TFCP2: variants seen among roughly 807,000 people sequenced by gnomAD.
TFCP2 encodes alpha-globin transcription factor CP2.
In TFCP2, 33 loss-of-function variants were observed where a neutral mutation model predicts 73.4. The observed-to-expected ratio is 0.45, with a 90% confidence interval of 0.34 to 0.60. TFCP2 has a LOEUF of 0.60. Ranked by LOEUF, TFCP2 falls within the 20% of genes least tolerant of loss-of-function variation. TFCP2 has a pLI of 0.01. For synonymous variants in TFCP2, 193 were observed against 211.6 expected, an observed-to-expected ratio of 0.91 and a Z score of 0.76; for missense variants, 352 against 604.0, an observed-to-expected ratio of 0.58 and a Z score of 4.37.
chr12:51,122,608 C>T lies in TFCP2; in HGVS notation c.123-3836G>A, dbSNP rs190196208. ...AAAAATATTTCAAAGGCCAGAAACACAAAAGGCACTTTCTTTTGCTTAGGC... is the reference window on the plus strand; with the variant it reads ...AAAAATATTTCAAAGGCCAGAAACATAAAAGGCACTTTCTTTTGCTTAGGC... On this transcript the variant is annotated intron_variant, in intron 1 of 14. Coordinates refer to ENST00000257915, the MANE Select transcript of TFCP2 (RefSeq NM_005653.5). Among the ~76,000 whole-genome samples the T allele has an allele frequency of 6.5e-3, 987 of 152,216 alleles. 5 individuals are homozygous for T. The highest frequency in any genetic ancestry group is 9.5e-3 in the Non-Finnish European group (647 of 67,998).
chr12:51,096,387 C>A (rs1260238583), intron 13 of TFCP2, among the ~76,000 whole-genome samples: 1 of 152,174 alleles, frequency 6.6e-6, no homozygotes, highest in African/African-American at 2.4e-5. Flanking sequence ...TTTCCTAAAA[C>A]CTCTTTAATT....
intron 2 of TFCP2, 100 bp from the exon 3 acceptor site, chr12:51,117,847 A>G (rs1023685999): frequency 2.8e-6 from 2 of 709,212 alleles, no homozygotes; most frequent in African/African-American, 1.8e-5. Flanking sequence ...ACAGTATAAT[A>G]ATATTATTAG....
chr12:51,106,997 T>C, intron 7 of TFCP2: 1 of 576,150 alleles, frequency 1.7e-6, no homozygotes, highest in Non-Finnish European at 3.1e-6. Flanking sequence ...CAATAGCTCC[T>C]GCAGCAAACC....
At chr12:51,095,923 T>A (rs1939955263) in intron 14 of TFCP2, 66 bp downstream of exon 14, 1 of 1,280,402 alleles carries the variant, frequency 7.8e-7, no homozygotes, top group Middle Eastern at 2.0e-4. Flanking sequence ...CAAAGAAGTA[T>A]GTACTTTGCC....
chr12:51,122,578 C>T (rs1041514809), intron 1 of TFCP2, among the ~76,000 whole-genome samples: 1 of 152,078 alleles, frequency 6.6e-6, no homozygotes, highest in South Asian at 2.1e-4. Flanking sequence ...ATTTTCTAAT[C>T]GTTAAAAAAT....
chr12:51,153,221 A>T (rs1028000092), intron 1 of TFCP2, among the ~76,000 whole-genome samples: 3 of 152,178 alleles, frequency 2.0e-5, no homozygotes, highest in South Asian at 2.1e-4. Context: ...TAAAATTTTT[A>T]AAAAATTAGC....
At chr12:51,163,119 A>T (rs975270575) in intron 1 of TFCP2, 2 of 152,036 alleles carry the variant, frequency 1.3e-5, no homozygotes, top group African/African-American at 4.8e-5. Context: ...GAGCAACATG[A>T]TGAAACCCTG....
intron 4 of TFCP2, 115 bp from the exon 5 acceptor site, chr12:51,111,098 C>G: frequency 1.4e-6 from 1 of 693,946 alleles, no homozygotes; most frequent in South Asian, 1.7e-5. Flanking sequence ...TATATCACAT[C>G]CTAAATTTCT....
chr12:51,095,778 C>T (rs1045605773), intron 14 of TFCP2, among the ~76,000 whole-genome samples: 3 of 135,296 alleles, frequency 2.2e-5, no homozygotes, highest in African/African-American at 8.2e-5. Context: ...CATGCCACTG[C>T]ACTCCAGCCT....
chr12:51,154,076 G>A (rs1391223514), intron 1 of TFCP2, among the ~76,000 whole-genome samples: 1 of 152,092 alleles, frequency 6.6e-6, no homozygotes, highest in African/African-American at 2.4e-5. Context: ...CCTAAAGGCT[G>A]AATAATATTC....
chr12:51,111,111 GTTTT>G, intron 4 of TFCP2, 128 bp from the exon 5 acceptor site: 1 of 480,198 alleles, frequency 2.1e-6, no homozygotes, highest in Non-Finnish European at 3.8e-6. Context: ...AAATTTCTTT[GTTTT>G]TTTTTTTTGT....
intron 1 of TFCP2, among the ~76,000 whole-genome samples, chr12:51,125,739 C>T (rs1385123241): frequency 6.6e-6 from 1 of 152,184 alleles, no homozygotes; most frequent in East Asian, 1.9e-4. Flanking sequence ...ATACTCAGCA[C>T]TATATACACT....
chr12:51,125,648 C>T (rs985612584), intron 1 of TFCP2, among the ~76,000 whole-genome samples: 3 of 152,160 alleles, frequency 2.0e-5, no homozygotes, highest in Non-Finnish European at 2.9e-5. Context: ...TGCTCAATTC[C>T]AGAATCATAA....
intron 1 of TFCP2, among the ~76,000 whole-genome samples, chr12:51,167,441 G>A (rs1259001784): frequency 1.3e-5 from 2 of 152,004 alleles, no homozygotes; most frequent in Admixed American, 1.3e-4. Flanking sequence ...CCCCTAGGCT[G>A]GAGTGCAGTG....
intron 4 of TFCP2, among the ~76,000 whole-genome samples, chr12:51,114,619 A>G (rs1335986045): frequency 1.3e-5 from 2 of 151,958 alleles, no homozygotes; most frequent in Non-Finnish European, 2.9e-5. Context: ...ATAAATAAAT[A>G]AATAAATAAA....
At chr12:51,129,514 C>CA (rs5798159) in intron 1 of TFCP2, among the ~76,000 whole-genome samples, 1,542 of 126,044 alleles carry the variant, frequency 0.012, 19 homozygotes, top group African/African-American at 0.036. Context: ...GACCCCGTCT[C>CA]AAAAAAAAAA....
chr12:51,159,536 ACCACAT>A (rs1364201624), intron 1 of TFCP2, among the ~76,000 whole-genome samples: 1 of 151,810 alleles, frequency 6.6e-6, no homozygotes, highest in Non-Finnish European at 1.5e-5. Flanking sequence ...ACGGGGTTTC[ACCACAT>A]TGGCGAGGCT....
chr12:51,118,446 T>G (rs1459057971), intron 2 of TFCP2, among the ~76,000 whole-genome samples, 175 bp downstream of exon 2: 10 of 152,036 alleles, frequency 6.6e-5, no homozygotes, highest in Non-Finnish European at 1.5e-4. Flanking sequence ...TCCCAGCTAC[T>G]CAGGAGGCTG....
At chr12:51,146,728 A>G (rs144504862) in intron 1 of TFCP2, among the ~76,000 whole-genome samples, 127 of 152,314 alleles carry the variant, frequency 8.3e-4, no homozygotes, top group Admixed American at 8.0e-3. Flanking sequence ...CTTCTTTCAG[A>G]TACCACCTTA....
Sources: allele counts gnomAD v4.1 joint callset (sites outside exome capture counted in the v4.1 genomes callset), GRCh38; gene constraint gnomAD v4.1.1; transcripts MANE v1.5; gene names NCBI Gene and HGNC (gene_info 2026-07-23, HGNC 2026-07-21).